The following IL1RAPL1 variants were observed in gnomAD, a reference collection of about 807,000 sequenced individuals.
IL1RAPL1 encodes the protein interleukin 1 receptor accessory protein like 1.
Under a neutral mutation model 48.4 loss-of-function variants are expected in IL1RAPL1, and 3 were observed. That is an observed-to-expected ratio of 0.06 (90% CI 0.03 to 0.16). IL1RAPL1 has a LOEUF of 0.16. IL1RAPL1 is among the 10% of genes least tolerant of loss of function. The pLI, the probability that IL1RAPL1 is intolerant of heterozygous loss-of-function variation, is 1.00. For synonymous variants in IL1RAPL1, 185 were observed against 187.7 expected, an observed-to-expected ratio of 0.99 and a Z score of 0.12; for missense variants, 349 against 530.6, an observed-to-expected ratio of 0.66 and a Z score of 3.36.
intron 6 of IL1RAPL1, among the ~76,000 whole-genome samples, chrX:29,706,812 A>T (rs761016364): frequency 7.1e-5 from 8 of 112,038 alleles, no homozygotes; most frequent in Non-Finnish European, 1.5e-4. Context: ...TGGATCAAAG[A>T]CTTAAGACCT....
At chrX:28,700,064 AAATT>A (rs1327045306) in intron 1 of IL1RAPL1, among the ~76,000 whole-genome samples, 1 of 111,569 alleles carries the variant, frequency 9.0e-6, no homozygotes, top group Admixed American at 9.6e-5. Flanking sequence ...AATGAAAAGA[AAATT>A]AATAATAGCA....
At chrX:28,599,140 G>A (rs1194660658) in intron 1 of IL1RAPL1, among the ~76,000 whole-genome samples, 1 of 108,466 alleles carries the variant, frequency 9.2e-6, no homozygotes, top group Non-Finnish European at 1.9e-5. Flanking sequence ...GGCTACTCGG[G>A]AGGCTGAGGC....
intron 2 of IL1RAPL1, among the ~76,000 whole-genome samples, chrX:28,978,889 A>G (rs929065010): frequency 3.6e-5 from 4 of 112,262 alleles, no homozygotes; most frequent in African/African-American, 1.3e-4. Context: ...GGGCATAAGG[A>G]ATAGTGAAAA....
intron 3 of IL1RAPL1, among the ~76,000 whole-genome samples, chrX:29,387,309 G>T (rs1385674637): frequency 8.9e-6 from 1 of 112,254 alleles, no homozygotes; most frequent in African/African-American, 3.2e-5. Flanking sequence ...CAGATAGTCT[G>T]TTATGTTCTG....
At chrX:29,303,628 T>C (rs1932572238) in intron 3 of IL1RAPL1, among the ~76,000 whole-genome samples, 1 of 111,735 alleles carries the variant, frequency 8.9e-6, no homozygotes, top group African/African-American at 3.3e-5. Context: ...AAAGAAGCTT[T>C]GCATATGTTA....
intron 3 of IL1RAPL1, among the ~76,000 whole-genome samples, chrX:29,319,160 G>GTCTA (rs200758095): frequency 0.2 from 17,209 of 84,859 alleles, 1,444 homozygotes; most frequent in East Asian, 0.36. Context: ...CTATCTGTCT[G>GTCTA]TCTATCTATC....
At chrX:29,602,429 A>C (rs895678262) in intron 5 of IL1RAPL1, among the ~76,000 whole-genome samples, 2 of 112,092 alleles carry the variant, frequency 1.8e-5, no homozygotes, top group Non-Finnish European at 3.8e-5. Context: ...TAAAAATACA[A>C]AAAAATACAA....
chrX:29,773,654 C>T (rs866101089), intron 6 of IL1RAPL1, among the ~76,000 whole-genome samples: 7 of 111,586 alleles, frequency 6.3e-5, no homozygotes, highest in African/African-American at 2.3e-4. Flanking sequence ...AAAATAACAA[C>T]GCAGACTTGA....
intron 2 of IL1RAPL1, among the ~76,000 whole-genome samples, chrX:29,167,750 A>AT (rs1332325174): frequency 3.6e-5 from 4 of 110,855 alleles, no homozygotes; most frequent in African/African-American, 1.3e-4. Flanking sequence ...AATAAAAGAC[A>AT]TTTTAAATTA....
chrX:29,811,459 C>G (rs1930380661), intron 6 of IL1RAPL1, among the ~76,000 whole-genome samples: 1 of 106,634 alleles, frequency 9.4e-6, no homozygotes, highest in Non-Finnish European at 1.9e-5. Flanking sequence ...TTTTTTCTGC[C>G]TGCTTTATAT....
chrX:29,523,938 G>A (rs1481375556), intron 5 of IL1RAPL1, among the ~76,000 whole-genome samples: 2 of 110,593 alleles, frequency 1.8e-5, no homozygotes, highest in African/African-American at 6.6e-5. Flanking sequence ...ATTTCTTTTA[G>A]TGTTTATTCA....
intron 1 of IL1RAPL1, among the ~76,000 whole-genome samples, chrX:28,780,305 C>T (rs1036865910): frequency 2.9e-5 from 3 of 102,575 alleles, no homozygotes; most frequent in African/African-American, 1.1e-4. Flanking sequence ...GTATACATTT[C>T]ATTCTTTCAA....
intron 2 of IL1RAPL1, among the ~76,000 whole-genome samples, chrX:29,172,466 G>A (rs189060060): frequency 6.3e-5 from 7 of 110,788 alleles, no homozygotes; most frequent in African/African-American, 2.3e-4. Context: ...GTAATGTTTT[G>A]GGTTACATAT....
chrX:28,659,434 A>T, intron 1 of IL1RAPL1: 1 of 528,932 alleles, frequency 1.9e-6, no homozygotes, highest in Non-Finnish European at 3.5e-6. Context: ...TTTTACCACC[A>T]GTCGATTTGC....
At chrX:29,447,189 G>A (rs1180819512) in intron 5 of IL1RAPL1, among the ~76,000 whole-genome samples, 1 of 110,970 alleles carries the variant, frequency 9.0e-6, no homozygotes, top group East Asian at 2.8e-4. Flanking sequence ...TTATGCCAGT[G>A]TATGTGGAAA....
At chrX:29,723,398 G>A (rs753377037) in intron 6 of IL1RAPL1, among the ~76,000 whole-genome samples, 123 of 111,361 alleles carry the variant, frequency 1.1e-3, no homozygotes, top group Non-Finnish European at 1.8e-3. Context: ...ACAGGCACTC[G>A]CCACCACGCC....
chrX:29,370,779 A>G (rs1405570868), intron 3 of IL1RAPL1, among the ~76,000 whole-genome samples: 4 of 111,039 alleles, frequency 3.6e-5, no homozygotes, highest in Non-Finnish European at 7.5e-5. Flanking sequence ...ATATGAAAAG[A>G]TGCTCAACCT....
chrX:29,825,912 G>A (rs780320576), intron 6 of IL1RAPL1, among the ~76,000 whole-genome samples: 24 of 110,805 alleles, frequency 2.2e-4, no homozygotes, highest in South Asian at 4.0e-4. Flanking sequence ...GTAGTTCGCC[G>A]ACTCGGGTTG....
At chrX:29,461,085 T>C (rs1201321954) in intron 5 of IL1RAPL1, among the ~76,000 whole-genome samples, 1 of 111,528 alleles carries the variant, frequency 9.0e-6, no homozygotes, top group Non-Finnish European at 1.9e-5. Context: ...CTCTTGATAA[T>C]AATAAGAAAA....
Sources: allele counts gnomAD v4.1 joint callset (sites outside exome capture counted in the v4.1 genomes callset), GRCh38; gene constraint gnomAD v4.1.1; transcripts MANE v1.5; gene names NCBI Gene and HGNC (gene_info 2026-07-23, HGNC 2026-07-21).